Variants in THSD4 observed in about 807,000 individuals in gnomAD.
The protein encoded by THSD4 is thrombospondin type 1 domain containing 4, also known as thrombospondin type-1 domain-containing protein 4.
A neutral mutation model predicts 119.0 loss-of-function variants in THSD4; 69 were observed. The ratio of observed to expected loss-of-function variants is 0.58; its 90% confidence interval spans 0.48 to 0.71. The LOEUF (loss-of-function observed/expected upper bound fraction) is 0.71, where lower values mean the gene tolerates loss of function less well. THSD4 is among the 30% of genes least tolerant of loss of function. The pLI is 0.00. For synonymous variants in THSD4, 524 were observed against 540.4 expected, an observed-to-expected ratio of 0.97 and a Z score of 0.42; for missense variants, 1,393 against 1,391.1, an observed-to-expected ratio of 1.00 and a Z score of -0.02.
intron 1 of THSD4, among the ~76,000 whole-genome samples, chr15:71,128,879 C>T (rs2040478134): frequency 6.6e-6 from 1 of 152,126 alleles, no homozygotes; most frequent in African/African-American, 2.4e-5. Flanking sequence ...CTATAGACAA[C>T]CTGGAAGTAC....
chr15:71,554,271 T>G (rs1425793716), intron 7 of THSD4, among the ~76,000 whole-genome samples: 1 of 151,450 alleles, frequency 6.6e-6, no homozygotes, highest in Admixed American at 6.6e-5. Flanking sequence ...TTTTTTTGTA[T>G]TTTTTTAGTA....
rs575771977 is a variant in THSD4, at chr15:71,316,361, G to A, written c.1015+59646G>A. Among the ~76,000 whole-genome samples the A allele has an allele frequency of 3.7e-4, 56 of 152,234 alleles. No homozygotes were observed. The Middle Eastern group carries it at 0.024, about 65-fold the overall frequency. On this transcript the variant is annotated intron_variant, in intron 6 of 17. Coordinates refer to ENST00000261862, the MANE Select transcript of THSD4 (RefSeq NM_024817.3). ...ACCTTAACCCCCCTGCTCCAACCAA[G>A]GGGTTACATTAAGACGATACTGGTG... is the stretch of plus-strand genomic sequence containing the variant.
intron 6 of THSD4, among the ~76,000 whole-genome samples, chr15:71,331,081 C>T (rs1484654044): frequency 6.6e-6 from 1 of 152,226 alleles, no homozygotes; most frequent in Non-Finnish European, 1.5e-5. Flanking sequence ...GCTGGCAAAG[C>T]TGTTTGTCTC....
At chr15:71,570,413 CT>C (rs68026894) in intron 7 of THSD4, among the ~76,000 whole-genome samples, 106,620 of 148,798 alleles carry the variant, frequency 0.72, 38,938 homozygotes, top group East Asian at 0.91. Flanking sequence ...CTTTTTTTTT[CT>C]TTTTTTTTTT....
chr15:71,529,759 T>C (rs1391189669), intron 7 of THSD4, among the ~76,000 whole-genome samples: 7 of 152,210 alleles, frequency 4.6e-5, no homozygotes, highest in Non-Finnish European at 1.0e-4. Flanking sequence ...CTGAAAATAG[T>C]TTTACCTTTT....
intron 6 of THSD4, among the ~76,000 whole-genome samples, chr15:71,318,850 G>A (rs888191941): frequency 2.0e-5 from 3 of 152,206 alleles, no homozygotes; most frequent in Admixed American, 6.5e-5. Context: ...GGGAGGCAGA[G>A]TACAGCAGTG....
chr15:71,534,980 A>G (rs1248804688), intron 7 of THSD4, among the ~76,000 whole-genome samples: 3 of 152,218 alleles, frequency 2.0e-5, no homozygotes, highest in African/African-American at 7.2e-5. Context: ...ACAGAAAAAA[A>G]CAGGTATAAT....
chr15:71,624,060 G>A (rs890351577), intron 7 of THSD4, among the ~76,000 whole-genome samples: 1 of 152,216 alleles, frequency 6.6e-6, no homozygotes, highest in African/African-American at 2.4e-5. Context: ...GTCTACTAGG[G>A]AGAGTGATCG....
At chr15:71,720,032 T>TCC (rs1555445413) in intron 8 of THSD4, among the ~76,000 whole-genome samples, 1 of 64,902 alleles carries the variant, frequency 1.5e-5, no homozygotes, top group Non-Finnish European at 3.1e-5. Context: ...CTTTTTTTTT[T>TCC]TTTCTTTTTT....
intron 8 of THSD4, among the ~76,000 whole-genome samples, chr15:71,697,818 C>A (rs923301379): frequency 3.9e-5 from 6 of 152,048 alleles, no homozygotes; most frequent in Non-Finnish European, 8.8e-5. Context: ...TTTCCAGTTA[C>A]AAAATATAAA....
chr15:71,662,954 T>TG (rs2051339170), intron 8 of THSD4, among the ~76,000 whole-genome samples: 1 of 151,608 alleles, frequency 6.6e-6, no homozygotes, highest in African/African-American at 2.4e-5. Flanking sequence ...AGAGGGAAAA[T>TG]GGAGTCAGTG....
chr15:71,494,231 G>T (rs566723936), intron 7 of THSD4, among the ~76,000 whole-genome samples: 11 of 152,216 alleles, frequency 7.2e-5, no homozygotes, highest in African/African-American at 2.4e-4. Flanking sequence ...GAGCATCTGC[G>T]GGGAGGAACA....
intron 6 of THSD4, among the ~76,000 whole-genome samples, chr15:71,304,604 AAACAC>A (rs1467608086): frequency 6.6e-6 from 1 of 152,076 alleles, no homozygotes; most frequent in African/African-American, 2.4e-5. Context: ...CCCCCAGGGG[AAACAC>A]AAGAACATTA....
intron 8 of THSD4, among the ~76,000 whole-genome samples, chr15:71,680,406 T>C (rs1168619781): frequency 1.3e-5 from 2 of 152,196 alleles, no homozygotes; most frequent in Non-Finnish European, 2.9e-5. Context: ...AAATCACATA[T>C]TTGCCAAGTT....
intron 7 of THSD4, among the ~76,000 whole-genome samples, chr15:71,514,937 T>C (rs1292982887): frequency 6.6e-6 from 1 of 152,192 alleles, no homozygotes; most frequent in Non-Finnish European, 1.5e-5. Flanking sequence ...ACTACATATT[T>C]AAATTGTTTC....
intron 7 of THSD4, among the ~76,000 whole-genome samples, chr15:71,573,337 T>C (rs1386675710): frequency 2.0e-5 from 3 of 152,174 alleles, no homozygotes; most frequent in Non-Finnish European, 4.4e-5. Context: ...AGGGATCCTC[T>C]TAGAAAGACA....
chr15:71,290,855 A>G (rs1044362964), intron 6 of THSD4, among the ~76,000 whole-genome samples: 5 of 148,584 alleles, frequency 3.4e-5, no homozygotes, highest in African/African-American at 9.9e-5. Context: ...TGATGTCTGG[A>G]AACCTGGTTT....
At chr15:71,453,726 T>C (rs185228431) in intron 7 of THSD4, among the ~76,000 whole-genome samples, 137 of 152,280 alleles carry the variant, frequency 9.0e-4, no homozygotes, top group African/African-American at 3.1e-3. Flanking sequence ...ATGTGCGGTT[T>C]TAAAGATTTT....
At chr15:71,388,662 G>GTC (rs1436066661) in intron 6 of THSD4, among the ~76,000 whole-genome samples, 1 of 65,546 alleles carries the variant, frequency 1.5e-5, no homozygotes, top group Non-Finnish European at 4.0e-5. Flanking sequence ...TCTTTGGAGA[G>GTC]AGTGTGTGTG....
Sources: gnomAD v4.1 joint callset for allele counts (sites outside exome capture counted in the v4.1 genomes callset) on GRCh38, gnomAD v4.1.1 for gene constraint, MANE v1.5 for transcripts, NCBI Gene and HGNC (gene_info 2026-07-23, HGNC 2026-07-21) for gene names.